MSRA: variants seen among roughly 807,000 people sequenced by gnomAD.
The protein encoded by MSRA is methionine sulfoxide reductase A.
MSRA carries 54 observed loss-of-function variants against 31.3 expected under a neutral mutation model. That is an observed-to-expected ratio of 1.73 (90% CI 1.39 to 2.17). The LOEUF (loss-of-function observed/expected upper bound fraction) is 2.17, where lower values mean the gene tolerates loss of function less well. MSRA is among the 30% of genes most tolerant of loss of function. MSRA has a pLI of 0.00. For synonymous variants in MSRA, 169 were observed against 116.5 expected, an observed-to-expected ratio of 1.45 and a Z score of -2.90; for missense variants, 507 against 300.9, an observed-to-expected ratio of 1.69 and a Z score of -5.07.
intron 1 of MSRA, among the ~76,000 whole-genome samples, chr8:10,138,572 T>TGTA (rs1453973236): frequency 1.3e-5 from 2 of 152,234 alleles, no homozygotes; most frequent in African/African-American, 4.8e-5. Flanking sequence ...TTTTATTCAA[T>TGTA]GTAGTGGGTG....
intron 2 of MSRA, among the ~76,000 whole-genome samples, chr8:10,239,901 C>A (rs1468702600): frequency 1.9e-5 from 2 of 105,094 alleles, no homozygotes; most frequent in Non-Finnish European, 4.8e-5. Context: ...CGGCACCCAC[C>A]TGCACAGTTT....
intron 1 of MSRA, among the ~76,000 whole-genome samples, chr8:10,097,798 T>C (rs1205726549): frequency 6.6e-6 from 1 of 152,138 alleles, no homozygotes; most frequent in African/African-American, 2.4e-5. Flanking sequence ...AAAAAACAAA[T>C]ATGTCAGAAT....
intron 1 of MSRA, among the ~76,000 whole-genome samples, chr8:10,147,309 C>CA (rs1803231194): frequency 1.3e-5 from 2 of 152,110 alleles, no homozygotes; most frequent in Non-Finnish European, 2.9e-5. Flanking sequence ...CTGACCCCAG[C>CA]AAAGGGGCTG....
At chr8:10,372,798 TA>T (rs1361704770) in intron 5 of MSRA, among the ~76,000 whole-genome samples, 2 of 152,256 alleles carry the variant, frequency 1.3e-5, no homozygotes, top group East Asian at 3.8e-4. Flanking sequence ...GATAGACAAC[TA>T]AAACCAGTCT....
At chr8:10,075,706 C>A (rs1270078737) in intron 1 of MSRA, among the ~76,000 whole-genome samples, 1 of 152,146 alleles carries the variant, frequency 6.6e-6, no homozygotes, top group Non-Finnish European at 1.5e-5. Context: ...TAACAAGTTC[C>A]ACAAAGAACT....
chr8:10,211,703 C>T (rs1426466173), intron 2 of MSRA, among the ~76,000 whole-genome samples: 1 of 152,116 alleles, frequency 6.6e-6, no homozygotes, highest in African/African-American at 2.4e-5. Context: ...ATGGCCGAGG[C>T]TTCCTCAGGT....
At chr8:10,248,041 TG>T (rs1175118984) in intron 3 of MSRA, among the ~76,000 whole-genome samples, 2 of 152,166 alleles carry the variant, frequency 1.3e-5, no homozygotes, top group African/African-American at 4.8e-5. Flanking sequence ...AAAGCCTTGC[TG>T]AACAAGTCAG....
In MSRA at chr8:10,108,811, T is replaced by C. The variant is rs1585164595; in HGVS notation, c.142+54153T>C. On this transcript the variant is annotated intron_variant, in intron 1 of 5. Coordinates refer to ENST00000317173, the MANE Select transcript of MSRA (RefSeq NM_012331.5). ...GTCAAATGAGTTGTTGGGAAATTTT[T>C]TTTTTTTAGTTCTCTGTCTCTCCAC... 2.0e-5 allele frequency among the ~76,000 whole-genome samples: 3 copies of C among 152,084 alleles called. 1 individual carries two copies. In the South Asian group the frequency reaches 6.2e-4, roughly 32 times the overall value.
intron 5 of MSRA, among the ~76,000 whole-genome samples, chr8:10,420,203 A>G (rs1317235132): frequency 1.6e-5 from 2 of 122,490 alleles, no homozygotes; most frequent in African/African-American, 5.3e-5. Context: ...GTGGAATTCC[A>G]TGTATATGAG....
At chr8:10,236,350 A>G (rs1481864945) in intron 2 of MSRA, among the ~76,000 whole-genome samples, 1 of 152,210 alleles carries the variant, frequency 6.6e-6, no homozygotes, top group Admixed American at 6.5e-5. Context: ...TGTATAGGAA[A>G]TCAATGAGAA....
intron 1 of MSRA, among the ~76,000 whole-genome samples, chr8:10,154,419 C>A (rs1228467969): frequency 6.6e-6 from 1 of 151,944 alleles, no homozygotes; most frequent in Admixed American, 6.6e-5. Flanking sequence ...GCTCTGTCGC[C>A]CAGGCTGGAG....
At chr8:10,414,556 T>C (rs1808345084) in intron 5 of MSRA, among the ~76,000 whole-genome samples, 1 of 152,216 alleles carries the variant, frequency 6.6e-6, no homozygotes, top group South Asian at 2.1e-4. Flanking sequence ...GAGACTATTC[T>C]TTCTAGTGGC....
intron 5 of MSRA, among the ~76,000 whole-genome samples, chr8:10,374,946 C>T (rs1322503893): frequency 6.6e-6 from 1 of 152,160 alleles, no homozygotes; most frequent in East Asian, 1.9e-4. Flanking sequence ...CCCTCCTCCT[C>T]TCTCTCTTGC....
intron 1 of MSRA, among the ~76,000 whole-genome samples, chr8:10,147,543 C>T (rs35437983): frequency 0.31 from 47,354 of 152,068 alleles, 8,587 homozygotes; most frequent in Non-Finnish European, 0.42. Flanking sequence ...CTGTCTCCTA[C>T]GGGTGACGCC....
intron 5 of MSRA, among the ~76,000 whole-genome samples, chr8:10,418,815 T>TA (rs71203323): frequency 0.031 from 2,014 of 66,006 alleles, 180 homozygotes; most frequent in African/African-American, 0.12. Flanking sequence ...TTACTACGAC[T>TA]AAAAAAAAAA....
chr8:10,085,263 A>C (rs1490661984), intron 1 of MSRA, among the ~76,000 whole-genome samples: 1 of 152,142 alleles, frequency 6.6e-6, no homozygotes, highest in African/African-American at 2.4e-5. Flanking sequence ...TACCCACCCT[A>C]TTCCACGTTT....
At chr8:10,347,039 G>A (rs1803825165) in intron 5 of MSRA, among the ~76,000 whole-genome samples, 1 of 151,970 alleles carries the variant, frequency 6.6e-6, no homozygotes, top group Non-Finnish European at 1.5e-5. Flanking sequence ...CATCATTCTG[G>A]CTGAAGCCCC....
chr8:10,248,069 C>A (rs1256253656), intron 3 of MSRA, among the ~76,000 whole-genome samples: 1 of 152,066 alleles, frequency 6.6e-6, no homozygotes, highest in Non-Finnish European at 1.5e-5. Context: ...AGTGGTCTGA[C>A]TTAAGAGAAG....
chr8:10,062,397 C>T (rs1452710128), intron 1 of MSRA, among the ~76,000 whole-genome samples: 5 of 152,222 alleles, frequency 3.3e-5, no homozygotes, highest in Non-Finnish European at 7.3e-5. Flanking sequence ...TTCCTCACAT[C>T]ATAAACTCCA....
Sources: allele counts gnomAD v4.1 joint callset (sites outside exome capture counted in the v4.1 genomes callset), GRCh38; gene constraint gnomAD v4.1.1; transcripts MANE v1.5; gene names NCBI Gene and HGNC (gene_info 2026-07-23, HGNC 2026-07-21).